SELENOS: variants seen among roughly 807,000 people sequenced by gnomAD.
SELENOS encodes VCP interacting membrane selenoprotein.
SELENOS carries 37 observed loss-of-function variants against 30.2 expected under a neutral mutation model. The observed-to-expected ratio is 1.23, with a 90% CI of 0.94 to 1.61. The LOEUF (loss-of-function observed/expected upper bound fraction) is 1.61, where lower values mean the gene tolerates loss of function less well. SELENOS is among the 40% of genes most tolerant of loss of function. SELENOS has a pLI of 0.00. For synonymous variants in SELENOS, 119 were observed against 91.6 expected, an observed-to-expected ratio of 1.30 and a Z score of -1.71; for missense variants, 289 against 231.8, an observed-to-expected ratio of 1.25 and a Z score of -1.60.
Position 101,277,398 on chromosome 15 carries a change from G to A in SELENOS, c.20C>T (p.Ser7Phe), listed in dbSNP as rs2039342391. MERQEE[S>F]LSARPALETE... is the part of the protein sequence containing the mutation. ...CTCCAGGGCCGGCCGCGCGGACAGA[G>A]ACTCCTCTTGGCGTTCCATGACCGC... is the stretch of plus-strand genomic sequence containing the variant. The change falls in exon 1 of 6, where the codon TCT becomes TTT. Residue 7 changes from serine to phenylalanine, a missense_variant. Coordinates refer to ENST00000526049, the MANE Select transcript of SELENOS (RefSeq NM_018445.6). The A allele has an allele frequency of 2.0e-6, 3 of 1,502,152 alleles. No homozygotes were observed. The highest frequency in any genetic ancestry group is 2.9e-5 in the African/African-American group (2 of 68,852). 93.1% of individuals were successfully genotyped at this position (1,502,152 alleles called of 1,614,324 possible). A position where few individuals can be genotyped will look rare whatever the true frequency, so the allele number is the denominator to read the frequency against.
At chr15:101,271,329 G>A (rs1483192717), downstream of SELENOS, 2 of 152,160 alleles carry the variant, frequency 1.3e-5, no homozygotes, top group Non-Finnish European at 2.9e-5. Context: ...TGGGCTGGTG[G>A]GAGCCAATCC....
In SELENOS at chr15:101,277,461, A is replaced by T. The variant is rs1012848011; in HGVS notation, c.-44T>A. The T allele has an allele frequency of 4.0e-5, 56 of 1,405,412 alleles. No individual in the cohort carries two copies. The highest frequency in any genetic ancestry group is 6.9e-5 in the Admixed American group (2 of 29,044). The allele number at this position is 1,405,412 out of a possible 1,614,324, so 87.1% of individuals were successfully genotyped here. A position where few individuals can be genotyped will look rare whatever the true frequency, so the allele number is the denominator to read the frequency against. ...CGCCCAGCCCTGCCGCCGCGCCTCC[A>T]GCCGGGCGCTTCCGGTGCGCTCCTA... On this transcript the variant is annotated 5_prime_UTR_variant, in exon 1 of 6. Coordinates refer to ENST00000526049, the MANE Select transcript of SELENOS (RefSeq NM_018445.6).
intron 2 of SELENOS, 149 bp from the exon 3 acceptor site, chr15:101,275,510 C>T (rs549985265): frequency 3.0e-6 from 2 of 667,820 alleles, no homozygotes; most frequent in East Asian, 6.5e-5. Flanking sequence ...AACCCCTCTG[C>T]ATACATTTTA....
Position 101,274,651 on chromosome 15 carries a change from C to T in SELENOS, c.349G>A (p.Glu117Lys). ...LEEEKRRQKI[E>K]MWDSMQEGKS... ...CCTTCTTGCATGCTGTCCCACATTT[C>T]AATCTTCTGTCTCCTTTTTTCTTCT... Residue 117 changes from glutamate (E) to lysine (K), a missense_variant, in exon 4 of 6, where the codon GAA becomes AAA. Physicochemically the swap from Glu to Lys is moderately conservative, Grantham distance 56. Transcript: ENST00000526049. 3 of 1,613,286 alleles carry T rather than the reference C, an allele frequency of 1.9e-6. No homozygotes were observed. Among genetic ancestry groups the T allele is most frequent in the Non-Finnish European group, 2.5e-6 (3 of 1,179,764 alleles).
rs899354627 is a variant in SELENOS, at chr15:101,277,453, G to A, written c.-36C>T. The A allele has an allele frequency of 7.1e-6, 10 of 1,418,134 alleles. No homozygotes were observed. In the South Asian group the frequency reaches 8.9e-5, roughly 13 times the overall value. The allele number at this position is 1,418,134 out of a possible 1,614,324, so 87.8% of individuals were successfully genotyped here. ...GCCGCCGCCGCCCAGCCCTGCCGCC[G>A]CGCCTCCAGCCGGGCGCTTCCGGTG... On this transcript the variant is annotated 5_prime_UTR_variant, in exon 1 of 6. Transcript: ENST00000526049.
At chr15:101,273,482 C>T (rs1233515061) in intron 5 of SELENOS, among the ~76,000 whole-genome samples, 1 of 152,178 alleles carries the variant, frequency 6.6e-6, no homozygotes, top group Non-Finnish European at 1.5e-5. Flanking sequence ...CCAGGCTAGT[C>T]AAAAGTCCCA....
chr15:101,276,811 T>C, intron 1 of SELENOS, 136 bp from the exon 2 acceptor site: 2 of 1,047,190 alleles, frequency 1.9e-6, no homozygotes, highest in Non-Finnish European at 2.7e-6. Flanking sequence ...GCCTCCTAAG[T>C]AGATCGTTAA....
chr15:101,277,256 C>T (rs1039701177), intron 1 of SELENOS, 86 bp downstream of exon 1: 2 of 1,520,844 alleles, frequency 1.3e-6, no homozygotes, highest in Admixed American at 4.0e-5. Flanking sequence ...GGCTCCGGCG[C>T]CCGGTGCAGC....
intron 2 of SELENOS, among the ~76,000 whole-genome samples, chr15:101,276,089 A>G (rs58591063): frequency 0.012 from 1,772 of 151,328 alleles, 37 homozygotes; most frequent in African/African-American, 0.041. Flanking sequence ...CGCCCCACTA[A>G]TATTTGTATT....
At chr15:101,274,896 T>C in intron 3 of SELENOS, 1 of 605,786 alleles carries the variant, frequency 1.7e-6, no homozygotes, top group Non-Finnish European at 2.8e-6. Context: ...GCAAAATGTT[T>C]CATGAAAAAG....
downstream of SELENOS, among the ~76,000 whole-genome samples, chr15:101,272,029 G>A (rs893776232): frequency 1.3e-5 from 2 of 152,172 alleles, no homozygotes; most frequent in South Asian, 2.1e-4. Context: ...CTTGAGGCAC[G>A]ATGTTTCTTT....
chr15:101,277,171 G>C (rs774307281), intron 1 of SELENOS, 171 bp downstream of exon 1: 1 of 1,159,814 alleles, frequency 8.6e-7, no homozygotes, highest in South Asian at 1.3e-5. Flanking sequence ...CTCCCGAGAA[G>C]CCTCCGCGCA....
Position 101,277,346 on chromosome 15 carries a change from G to A in SELENOS, c.72C>T (p.Thr24=), listed in dbSNP as rs991115118. Residue 24 remains threonine (T), a synonymous_variant, in exon 1 of 6, where the codon ACC becomes ACT. Coordinates refer to ENST00000526049, the MANE Select transcript of SELENOS (RefSeq NM_018445.6). The part of the protein sequence containing the change: ...LETEGLRFLH[T]TVGSLLATYG... ...GGCTGCCCCGCAACGACTCACCCGT[G>A]GTGTGCAGGAAGCGCAGCCCCTCGG... The A allele has an allele frequency of 1.1e-5, 17 of 1,517,430 alleles. No individual in the cohort carries two copies. The highest frequency in any genetic ancestry group is 8.6e-5 in the South Asian group (7 of 81,852). The allele number at this position is 1,517,430 out of a possible 1,614,324, so 94.0% of individuals were successfully genotyped here.
At position 101,276,613 on chromosome 15, in the gene SELENOS, C is replaced by T. The variant is rs373855229; in HGVS notation, c.139G>A (p.Val47Ile). 3 of 1,613,826 alleles carry T rather than the reference C, an allele frequency of 1.9e-6. No individual in the cohort carries two copies. Among genetic ancestry groups the T allele is most frequent in the Non-Finnish European group, 2.5e-6 (3 of 1,179,854 alleles). Residue 47 changes from valine (V) to isoleucine (I), a missense_variant, in exon 2 of 6, where the codon GTC becomes ATC. Transcript: ENST00000526049. ...IVFSCILLYV[V>I]FQKLSARLRA... is the part of the protein sequence containing the mutation. ...AGCCGGGCGGAAAGCTTCTGAAAGACCACGTAGAGAAGGATGCAGCTGAAG... is the reference window on the plus strand; with the variant it reads ...AGCCGGGCGGAAAGCTTCTGAAAGATCACGTAGAGAAGGATGCAGCTGAAG...
Position 101,272,598 on chromosome 15 carries a change from G to A in SELENOS, c.*173C>T. The A allele has an allele frequency of 1.7e-6, 1 of 598,962 alleles. No individual in the cohort carries two copies. Among genetic ancestry groups the A allele is most frequent in the Non-Finnish European group, 3.0e-6 (1 of 338,848 alleles). 37.1% of individuals were successfully genotyped at this position (598,962 alleles called of 1,614,324 possible). A position where few individuals can be genotyped will look rare whatever the true frequency, so the allele number is the denominator to read the frequency against. On this transcript the variant is annotated 3_prime_UTR_variant, in exon 6 of 6. Transcript: ENST00000526049. ...TGTGACCAATGACCTCATGCCTAGA[G>A]GCAACATCTATACCTTTTGCTGACT...
Position 101,272,517 on chromosome 15 carries a change from A to G in SELENOS, c.*254T>C. ...GCTAATCATCTAGAGGCCTTTACCTACCAACTAGCAATTAACCATGAAATC... is the reference window on the plus strand; with the variant it reads ...GCTAATCATCTAGAGGCCTTTACCTGCCAACTAGCAATTAACCATGAAATC... On this transcript the variant is annotated 3_prime_UTR_variant, in exon 6 of 6. Coordinates refer to ENST00000526049, the MANE Select transcript of SELENOS (RefSeq NM_018445.6). 2.3e-6 allele frequency: 1 copy of G among 428,314 alleles called. No homozygotes were observed. The highest frequency in any genetic ancestry group is 2.0e-5 in the African/African-American group (1 of 50,078). 26.5% of individuals were successfully genotyped at this position (428,314 alleles called of 1,614,324 possible).
At chr15:101,276,174 C>G (rs184530839) in intron 2 of SELENOS, among the ~76,000 whole-genome samples, 1 of 151,696 alleles carries the variant, frequency 6.6e-6, no homozygotes, top group Non-Finnish European at 1.5e-5. Flanking sequence ...CCTCCTGCCT[C>G]GGCTTCCCAA....
chr15:101,272,942 G>C (rs2039285706), intron 5 of SELENOS, 86 bp from the exon 6 acceptor site: 2 of 1,244,210 alleles, frequency 1.6e-6, no homozygotes, highest in Non-Finnish European at 2.3e-6. Flanking sequence ...AATTATGAGA[G>C]TGACACGCAA....
At chr15:101,277,043 G>C (rs1034647874) in intron 1 of SELENOS, 6 of 594,406 alleles carry the variant, frequency 1.0e-5, no homozygotes, top group African/African-American at 3.8e-5. Context: ...TGTGTGGGAC[G>C]GGTCCCAGAG....
Sources: allele counts gnomAD v4.1 joint callset (sites outside exome capture counted in the v4.1 genomes callset), GRCh38; gene constraint gnomAD v4.1.1; transcripts MANE v1.5; gene names NCBI Gene and HGNC (gene_info 2026-07-23, HGNC 2026-07-21).